SIK2: variants seen among roughly 807,000 people sequenced by gnomAD.
SIK2 encodes serine/threonine-protein kinase SIK2.
In SIK2, 29 loss-of-function variants were observed where a neutral mutation model predicts 103.2. That is an observed-to-expected ratio of 0.28 (90% CI 0.21 to 0.38). The LOEUF (loss-of-function observed/expected upper bound fraction) is 0.38. Among genes scored for constraint, SIK2 ranks in the 10% least tolerant of loss-of-function variants. The pLI, the probability that SIK2 is intolerant of heterozygous loss-of-function variation, is 1.00. For synonymous variants in SIK2, 412 were observed against 446.1 expected, an observed-to-expected ratio of 0.92 and a Z score of 0.96; for missense variants, 879 against 1,171.0, an observed-to-expected ratio of 0.75 and a Z score of 3.64.
intron 6 of SIK2, among the ~76,000 whole-genome samples, chr11:111,702,060 C>T (rs1943224035): frequency 6.6e-6 from 1 of 152,170 alleles, no homozygotes; most frequent in South Asian, 2.1e-4. Flanking sequence ...TTTTGGTTAT[C>T]ATTCTTAACT....
At chr11:111,671,877 C>T in intron 3 of SIK2, 1 of 416,424 alleles carries the variant, frequency 2.4e-6, no homozygotes, top group Non-Finnish European at 4.6e-6. Flanking sequence ...TCAAGCTGCC[C>T]CTGCGTATCA....
rs1157158823 is a variant in SIK2, at chr11:111,722,241, T to C, written c.2055+301T>C. 6.6e-6 allele frequency among the ~76,000 whole-genome samples: 1 copy of C among 152,172 alleles called. No homozygotes were observed. Among genetic ancestry groups the C allele is most frequent in the Non-Finnish European group, 1.5e-5 (1 of 68,018 alleles). On this transcript the variant is annotated intron_variant, in intron 13 of 14. Transcript: ENST00000304987. This position sits in a 1 kb window ranked among gnomAD's most constrained non-coding sequence, Gnocchi z 4.4. ...TGTATTCCTCTTAATGAGTAACAAA[T>C]AAAATGAAAACCTTAAGTCTGCAGA...
In SIK2 at chr11:111,655,646, G is replaced by A. The variant is rs567508152; in HGVS notation, c.317-32355G>A. Among the ~76,000 whole-genome samples, 48 of 152,284 alleles carry A rather than the reference G, an allele frequency of 3.2e-4. No homozygotes were observed. In the South Asian group the frequency reaches 9.7e-3, roughly 31 times the overall value. On this transcript the variant is annotated intron_variant, in intron 3 of 14. Transcript: ENST00000304987. Reference sequence around the variant, plus strand: ...TTCTTGGAAGACAGTGGCCTGAGAAGACTCTCTTGGCTTTATAGCTACCTA... The same window carrying A: ...TTCTTGGAAGACAGTGGCCTGAGAAAACTCTCTTGGCTTTATAGCTACCTA...
chr11:111,652,557 C>T (rs1025305404), intron 3 of SIK2, among the ~76,000 whole-genome samples: 1 of 152,124 alleles, frequency 6.6e-6, no homozygotes, highest in Admixed American at 6.5e-5. Context: ...AATAATGTAA[C>T]TGGGCATCTA....
intron 4 of SIK2, among the ~76,000 whole-genome samples, chr11:111,692,447 A>T (rs1942971381): frequency 6.7e-6 from 1 of 149,030 alleles, no homozygotes; most frequent in African/African-American, 2.5e-5. Flanking sequence ...ATCTGCCTCA[A>T]GCAGATGGAT....
chr11:111,620,933 A>C (rs761051917), intron 3 of SIK2, among the ~76,000 whole-genome samples: 1 of 152,204 alleles, frequency 6.6e-6, no homozygotes, highest in African/African-American at 2.4e-5. Context: ...ATTGGTGTTT[A>C]TGATTCATTC....
chr11:111,715,793 C>CTTTTTTTTTTTTTT (rs535843069), intron 9 of SIK2, among the ~76,000 whole-genome samples: 1 of 81,580 alleles, frequency 1.2e-5, no homozygotes, highest in Non-Finnish European at 2.2e-5. Context: ...TCATTTTTAG[C>CTTTTTTTTTTTTTT]TTTTTTTTTT....
At chr11:111,603,063 G>A (rs1308189089) in intron 1 of SIK2, among the ~76,000 whole-genome samples, 3 of 151,958 alleles carry the variant, frequency 2.0e-5, no homozygotes, top group South Asian at 2.1e-4. Context: ...CCCTGCTTTC[G>A]GCTGGGGGTG....
At chr11:111,653,953 T>G (rs1437939258) in intron 3 of SIK2, among the ~76,000 whole-genome samples, 1 of 152,248 alleles carries the variant, frequency 6.6e-6, no homozygotes, top group East Asian at 1.9e-4. Flanking sequence ...GACCATTCTT[T>G]GACACTTGCC....
rs1942882490 is a variant in SIK2 at position 111,688,725 on chromosome 11, TATTCTC to T, written c.478+565_478+570del. Among the ~76,000 whole-genome samples the T allele has an allele frequency of 3.3e-5, 5 of 152,242 alleles. No individual in the cohort carries two copies. The highest frequency in any genetic ancestry group is 3.3e-4 in the Admixed American group (5 of 15,286). On this transcript the variant is annotated intron_variant, in intron 4 of 14. Transcript: ENST00000304987. The surrounding 1 kb of genome is among the most constrained non-coding windows in gnomAD (Gnocchi z 4.2). ...CACAGTTGTAAAATGTTTTATTTTATATTCTCAGTCTCTTTATTTACATAGTCAAAA... is the reference window on the plus strand; with the variant it reads ...CACAGTTGTAAAATGTTTTATTTTATAGTCTCTTTATTTACATAGTCAAAA...
chr11:111,620,408 CT>C lies in SIK2; in HGVS notation c.316+11del. The C allele has an allele frequency of 1.3e-6, 2 of 1,566,602 alleles. No homozygotes were observed. Among genetic ancestry groups the C allele is most frequent in the South Asian group, 1.2e-5 (1 of 82,110 alleles). ...CAAAAATGGAGAAATTTTTGGTAAG[CT>C]TTTTCCTTTAAATTTTCTATTAATT... On this transcript the variant is annotated splice_region_variant and intron_variant, in intron 3 of 14. Coordinates refer to ENST00000304987, the MANE Select transcript of SIK2 (RefSeq NM_015191.3).
At chr11:111,654,777 C>A (rs1942369812) in intron 3 of SIK2, among the ~76,000 whole-genome samples, 1 of 152,168 alleles carries the variant, frequency 6.6e-6, no homozygotes, top group Non-Finnish European at 1.5e-5. Context: ...ACTAACCATG[C>A]CCATCTGTTG....
intron 3 of SIK2, among the ~76,000 whole-genome samples, chr11:111,658,090 T>TTTTATTTA (rs199738502): frequency 1.7e-4 from 23 of 135,586 alleles, no homozygotes; most frequent in South Asian, 2.4e-4. Flanking sequence ...TTCATTTTTA[T>TTTTATTTA]TTTATTTATT....
At chr11:111,634,415 G>A (rs1438125580) in intron 3 of SIK2, among the ~76,000 whole-genome samples, 3 of 151,908 alleles carry the variant, frequency 2.0e-5, no homozygotes, top group Admixed American at 6.6e-5. Flanking sequence ...AAGGTTTTTC[G>A]CACTTTATTT....
At chr11:111,716,681 T>A (rs1226418168) in intron 9 of SIK2, among the ~76,000 whole-genome samples, 1 of 152,194 alleles carries the variant, frequency 6.6e-6, no homozygotes, top group African/African-American at 2.4e-5. Context: ...TATTTTGTAA[T>A]AAAAGACATA....
At chr11:111,659,956 A>G (rs1942445972) in intron 3 of SIK2, among the ~76,000 whole-genome samples, 1 of 152,214 alleles carries the variant, frequency 6.6e-6, no homozygotes, top group Non-Finnish European at 1.5e-5. Context: ...TAAAATGGCT[A>G]CAGCAATTTC....
intron 4 of SIK2, among the ~76,000 whole-genome samples, chr11:111,696,353 ATG>A (rs1943070213): frequency 6.6e-6 from 1 of 152,194 alleles, no homozygotes; most frequent in Non-Finnish European, 1.5e-5. Flanking sequence ...TACTGTAGGT[ATG>A]TAAAATGTTA....
chr11:111,671,452 T>C, intron 3 of SIK2: 1 of 249,666 alleles, frequency 4.0e-6, no homozygotes, highest in South Asian at 4.7e-5. Context: ...GCTGATGTTC[T>C]GGGTCATCTC....
intron 3 of SIK2, among the ~76,000 whole-genome samples, chr11:111,685,394 G>A (rs1942832610): frequency 6.6e-6 from 1 of 152,188 alleles, no homozygotes; most frequent in Admixed American, 6.5e-5. Flanking sequence ...GTATACACAT[G>A]TGTGTGTACC....
Sources: gnomAD v4.1 joint callset for allele counts (sites outside exome capture counted in the v4.1 genomes callset) on GRCh38, gnomAD v4.1.1 for gene constraint, Gnocchi (gnomAD v3.1) non-coding constraint, MANE v1.5 for transcripts, NCBI Gene and HGNC (gene_info 2026-07-23, HGNC 2026-07-21) for gene names.